The following PRKCZ variants were observed in gnomAD, a reference collection of about 807,000 sequenced individuals.
The protein encoded by PRKCZ is protein kinase C zeta.
PRKCZ carries 33 observed loss-of-function variants against 79.5 expected under a neutral mutation model. That is an observed-to-expected ratio of 0.41 (90% CI 0.31 to 0.55). The LOEUF is 0.55. Ranked by LOEUF, PRKCZ falls within the 20% of genes least tolerant of loss-of-function variation. The pLI, the probability that PRKCZ is intolerant of heterozygous loss-of-function variation, is 0.19. For synonymous variants in PRKCZ, 342 were observed against 320.9 expected (o/e 1.07, Z -0.70); for missense variants, 578 against 813.5 (o/e 0.71, Z 3.52).
chr1:2,174,210 G>A lies in PRKCZ; in HGVS notation c.1405+194G>A, dbSNP rs1015714738. ...GCCGTGGGGTGGGGTTACCACACCT[G>A]TGGGTCAGCAGGAAAGAGAACCTGT... On this transcript the variant is annotated intron_variant, in intron 14 of 17. Transcript: ENST00000378567. The surrounding 1 kb of genome is among the most constrained non-coding windows in gnomAD (Gnocchi z 6.2). Among the ~76,000 whole-genome samples the A allele has an allele frequency of 6.6e-6, 1 of 152,204 alleles. No homozygotes were observed. Among genetic ancestry groups the A allele is most frequent in the East Asian group, 1.9e-4 (1 of 5,190 alleles).
Position 2,096,157 on chromosome 1 carries a change from G to A in PRKCZ, c.334+36566G>A, listed in dbSNP as rs909716439. Among the ~76,000 whole-genome samples the A allele has an allele frequency of 5.1e-4, 78 of 151,910 alleles. 1 individual carries two copies. The highest frequency in any genetic ancestry group is 1.7e-3 in the African/African-American group (71 of 41,430). ...ACCTCGGCTGCCCCAAGACTGGCCC[G>A]GGGCTGGTCCTCCCTGCGTCTGGCC... On this transcript the variant is annotated intron_variant, in intron 4 of 17. Transcript: ENST00000378567.
chr1:2,142,558 T>A (rs888368263), intron 5 of PRKCZ: 6 of 262,856 alleles, frequency 2.3e-5, no homozygotes, highest in African/African-American at 1.4e-4. Context: ...GAATCAGAGG[T>A]CTTGGGTGGG....
chr1:2,162,757 T>C (rs1214102470), intron 10 of PRKCZ, among the ~76,000 whole-genome samples: 1 of 152,090 alleles, frequency 6.6e-6, no homozygotes, highest in Non-Finnish European at 1.5e-5. Flanking sequence ...CACTTCCTTG[T>C]TTAATTTTGT....
At chr1:2,158,378 G>A (rs1681529475) in intron 10 of PRKCZ, among the ~76,000 whole-genome samples, 2 of 152,254 alleles carry the variant, frequency 1.3e-5, no homozygotes, top group African/African-American at 4.8e-5. Flanking sequence ...GACGAGGCTT[G>A]TGGTGACCAG....
chr1:2,139,667 G>A (rs1676923368), intron 5 of PRKCZ, among the ~76,000 whole-genome samples: 1 of 152,202 alleles, frequency 6.6e-6, no homozygotes, highest in Admixed American at 6.5e-5. Context: ...TGCCAACCCT[G>A]GGGATGTGGG....
chr1:2,172,038 G>A lies in PRKCZ; in HGVS notation c.1062-17G>A, dbSNP rs371280307. The A allele has an allele frequency of 4.5e-5, 72 of 1,585,384 alleles. No homozygotes were observed. Among genetic ancestry groups the A allele is most frequent in the Non-Finnish European group, 5.9e-5 (69 of 1,165,340 alleles). ...CTGGCACAGGCACTGCCCCCATGAC[G>A]GCATCCCCACCCCCAGGTTCTACGC... On this transcript the variant is annotated splice_polypyrimidine_tract_variant and intron_variant, in intron 11 of 17. Transcript: ENST00000378567. This position sits in a 1 kb window ranked among gnomAD's most constrained non-coding sequence, Gnocchi z 7.8.
intron 4 of PRKCZ, among the ~76,000 whole-genome samples, chr1:2,088,524 C>A (rs1222082266): frequency 1.3e-5 from 2 of 152,202 alleles, no homozygotes; most frequent in African/African-American, 4.8e-5. Flanking sequence ...GAGTGATTGC[C>A]GCGTGACTCA....
rs1477949535 is a variant in PRKCZ, at chr1:2,164,665, T to C, written c.975-4853T>C. Reference sequence around the variant, plus strand: ...CCTGCACACTCTGGCGTCTGATCTCTAGCTTCCCTTTCTTGTGCAAGCTTC... The same window carrying C: ...CCTGCACACTCTGGCGTCTGATCTCCAGCTTCCCTTTCTTGTGCAAGCTTC... On this transcript the variant is annotated intron_variant, in intron 10 of 17. Coordinates refer to ENST00000378567, the MANE Select transcript of PRKCZ (RefSeq NM_002744.6). Among the ~76,000 whole-genome samples the C allele has an allele frequency of 2.6e-5, 4 of 152,240 alleles. No homozygotes were observed. The East Asian group carries it at 7.7e-4, about 29-fold the overall frequency.
rs954949238 is a variant in PRKCZ at position 2,132,851 on chromosome 1, T to G, written c.335-2411T>G. On this transcript the variant is annotated intron_variant, in intron 4 of 17. Transcript: ENST00000378567. ...CGGGGTCAGCCCCCGCCTGGACCGCTGTGACAGAACCCCACAGACAGGGTG... is the reference window on the plus strand; with the variant it reads ...CGGGGTCAGCCCCCGCCTGGACCGCGGTGACAGAACCCCACAGACAGGGTG... Among the ~76,000 whole-genome samples the G allele has an allele frequency of 7.2e-5, 11 of 152,248 alleles. 1 individual carries two copies. The highest frequency in any genetic ancestry group is 1.5e-4 in the Non-Finnish European group (10 of 68,046).
At chr1:2,161,511 GC>G (rs1173207251) in intron 10 of PRKCZ, among the ~76,000 whole-genome samples, 1 of 152,244 alleles carries the variant, frequency 6.6e-6, no homozygotes, top group Non-Finnish European at 1.5e-5. Flanking sequence ...GGACACACCT[GC>G]AGTGTACAGG....
intron 4 of PRKCZ, among the ~76,000 whole-genome samples, chr1:2,121,694 G>A (rs71511330): frequency 0.04 from 480 of 12,080 alleles, 119 homozygotes; most frequent in African/African-American, 0.28. Context: ...TCACGGTGGT[G>A]GTTAGGGTCA....
In PRKCZ at chr1:2,102,885, GTC is replaced by G. The variant is rs372974728; in HGVS notation, c.335-32368_335-32367del. On this transcript the variant is annotated intron_variant, in intron 4 of 17. Coordinates refer to ENST00000378567, the MANE Select transcript of PRKCZ (RefSeq NM_002744.6). ...TATATTCTGGCCCCTCCCCCCGTCT[GTC>G]TCTCTCTCAAGAGACAGGGTCTTGC... Among the ~76,000 whole-genome samples, 218 of 151,804 alleles carry G rather than the reference GTC, an allele frequency of 1.4e-3. 1 individual carries two copies. The highest frequency in any genetic ancestry group is 5.1e-3 in the African/African-American group (209 of 41,368).
At chr1:2,137,855 C>T (rs1319548563) in intron 5 of PRKCZ, among the ~76,000 whole-genome samples, 8 of 152,158 alleles carry the variant, frequency 5.3e-5, no homozygotes, top group Non-Finnish European at 7.4e-5. Context: ...ACCACAGCCC[C>T]GCTCTGCTGT....
intron 16 of PRKCZ, among the ~76,000 whole-genome samples, chr1:2,180,482 C>T (rs569758768): frequency 4.2e-4 from 63 of 151,026 alleles, no homozygotes; most frequent in East Asian, 2.3e-3. Context: ...ACGACGCGGA[C>T]GCACAGACGA....
chr1:2,174,926 C>A lies in PRKCZ; in HGVS notation c.1485+93C>A. 7.6e-7 allele frequency: 1 copy of A among 1,317,820 alleles called. No homozygotes were observed. The highest frequency in any genetic ancestry group is 1.5e-5 in the African/African-American group (1 of 68,930). 81.6% of individuals were successfully genotyped at this position (1,317,820 alleles called of 1,614,324 possible). A position where few individuals can be genotyped will look rare whatever the true frequency, so the allele number is the denominator to read the frequency against. On this transcript the variant is annotated intron_variant, in intron 15 of 17. Transcript: ENST00000378567. The surrounding 1 kb of genome is among the most constrained non-coding windows in gnomAD (Gnocchi z 6.2). ...ACGGCTGTTGGCCATTTTTTCATGT[C>A]GGCTGCTGTGTATCGGGTGTGTGGG...
Position 2,172,249 on chromosome 1 carries a change from C to G in PRKCZ, c.1198-52C>G. 3 of 1,613,424 alleles carry G rather than the reference C, an allele frequency of 1.9e-6. No individual in the cohort carries two copies. The highest frequency in any genetic ancestry group is 1.1e-5 in the South Asian group (1 of 91,082). On this transcript the variant is annotated intron_variant, in intron 12 of 17. Coordinates refer to ENST00000378567, the MANE Select transcript of PRKCZ (RefSeq NM_002744.6). This position sits in a 1 kb window ranked among gnomAD's most constrained non-coding sequence, Gnocchi z 7.8. ...CGCATGTGCGTCTCGGGGCGCCTGTCCCGCGGGGTAGTGTCTACAAGAACC... is the reference window on the plus strand; with the variant it reads ...CGCATGTGCGTCTCGGGGCGCCTGTGCCGCGGGGTAGTGTCTACAAGAACC...
At chr1:2,147,780 C>CT (rs1678937980) in intron 7 of PRKCZ, among the ~76,000 whole-genome samples, 1 of 100,386 alleles carries the variant, frequency 1.0e-5, no homozygotes, top group Non-Finnish European at 2.0e-5. Context: ...TCTATCCATC[C>CT]ATTGTCCACT....
At chr1:2,097,055 A>G (rs752121339) in intron 4 of PRKCZ, among the ~76,000 whole-genome samples, 3 of 152,242 alleles carry the variant, frequency 2.0e-5, no homozygotes, top group Admixed American at 6.5e-5. Flanking sequence ...CGCTCAGGCC[A>G]CAGACTCCGA....
chr1:2,105,857 C>T (rs773273566), intron 4 of PRKCZ, among the ~76,000 whole-genome samples: 15 of 152,174 alleles, frequency 9.9e-5, no homozygotes, highest in Admixed American at 2.6e-4. Flanking sequence ...TAGTTGTCAT[C>T]GTCGGATGAG....
Sources: allele counts gnomAD v4.1 joint callset (sites outside exome capture counted in the v4.1 genomes callset), GRCh38; gene constraint gnomAD v4.1.1; non-coding constraint Gnocchi (gnomAD v3.1); transcripts MANE v1.5; gene names NCBI Gene and HGNC (gene_info 2026-07-23, HGNC 2026-07-21).